The following ENTREP1 variants were observed in gnomAD, a reference collection of about 807,000 sequenced individuals.
The protein encoded by ENTREP1 is Friedreich ataxia region gene X123.
chr9:69,341,056 G>A, the ENTREP1 span, among the ~76,000 whole-genome samples: 1 of 152,126 alleles, frequency 6.6e-6, no homozygotes, highest in Non-Finnish European at 1.5e-5. Context: ...TTCTTTGGTG[G>A]TACAGGCATT....
the ENTREP1 span, chr9:69,379,687 A>T: frequency 6.6e-6 from 1 of 152,214 alleles, no homozygotes; most frequent in Non-Finnish European, 1.5e-5. Context: ...CATGGTGGGG[A>T]TGAGAAATAC....
At chr9:69,325,311 T>C in the ENTREP1 span, 7 of 1,168,282 alleles carry the variant, frequency 6.0e-6, no homozygotes, top group Non-Finnish European at 7.4e-6. Context: ...CGTCCGTCCA[T>C]GTCCCTGCCC....
the ENTREP1 span, among the ~76,000 whole-genome samples, chr9:69,330,476 G>A: frequency 6.6e-6 from 1 of 152,070 alleles, no homozygotes; most frequent in South Asian, 2.1e-4. Flanking sequence ...TGATTCTTTG[G>A]CAAGGTTCTA....
chr9:69,331,401 A>G, the ENTREP1 span, among the ~76,000 whole-genome samples: 6 of 152,096 alleles, frequency 3.9e-5, no homozygotes, highest in Admixed American at 3.9e-4. Context: ...GTGGGTAACA[A>G]TGACTCTTCC....
chr9:69,378,590 C>G, the ENTREP1 span, among the ~76,000 whole-genome samples: 1 of 151,834 alleles, frequency 6.6e-6, no homozygotes, highest in Non-Finnish European at 1.5e-5. Flanking sequence ...ACCCCCGTCT[C>G]TACTAAAAAT....
At chr9:69,378,667 G>T in the ENTREP1 span, among the ~76,000 whole-genome samples, 1 of 151,860 alleles carries the variant, frequency 6.6e-6, no homozygotes, top group African/African-American at 2.4e-5. Flanking sequence ...GCTGAGGCAG[G>T]AGAATGGCAT....
At chr9:69,340,853 A>T in the ENTREP1 span, among the ~76,000 whole-genome samples, 1 of 151,936 alleles carries the variant, frequency 6.6e-6, no homozygotes, top group Non-Finnish European at 1.5e-5. Context: ...TGTGTTTTCC[A>T]TAAAGAGCTA....
At chr9:69,328,840 A>T in the ENTREP1 span, among the ~76,000 whole-genome samples, 1 of 152,184 alleles carries the variant, frequency 6.6e-6, no homozygotes, top group Non-Finnish European at 1.5e-5. Flanking sequence ...AATGTTTATC[A>T]ACCCTAAAGT....
At chr9:69,352,795 A>C in the ENTREP1 span, among the ~76,000 whole-genome samples, 1 of 152,150 alleles carries the variant, frequency 6.6e-6, no homozygotes, top group Non-Finnish European at 1.5e-5. Context: ...GCTTCATTTT[A>C]GTGTGTGCTT....
At chr9:69,366,384 G>GTTTTTTTTTTTTTTTT in the ENTREP1 span, among the ~76,000 whole-genome samples, 1 of 122,992 alleles carries the variant, frequency 8.1e-6, no homozygotes, top group African/African-American at 2.9e-5. Flanking sequence ...TTCCAACTGG[G>GTTTTTTTTTTTTTTTT]GTTTTTTTTT....
At chr9:69,374,405 A>G in the ENTREP1 span, among the ~76,000 whole-genome samples, 5 of 152,126 alleles carry the variant, frequency 3.3e-5, no homozygotes, top group Admixed American at 6.5e-5. Flanking sequence ...GGTGCTAAAG[A>G]GTTTTCCAAA....
At chr9:69,327,997 T>C in the ENTREP1 span, among the ~76,000 whole-genome samples, 1 of 152,190 alleles carries the variant, frequency 6.6e-6, no homozygotes, top group East Asian at 1.9e-4. Flanking sequence ...GAAAAAAGCC[T>C]TGTATCACAT....
the ENTREP1 span, among the ~76,000 whole-genome samples, chr9:69,345,243 T>A: frequency 6.6e-6 from 1 of 152,118 alleles, no homozygotes; most frequent in Non-Finnish European, 1.5e-5. Flanking sequence ...TCAACGGTGA[T>A]ACCAAAGAGT....
the ENTREP1 span, among the ~76,000 whole-genome samples, chr9:69,344,453 G>A: frequency 3.3e-5 from 5 of 152,192 alleles, no homozygotes; most frequent in African/African-American, 4.8e-5. Flanking sequence ...GAACAGTGCT[G>A]TATTGTGTGA....
chr9:69,377,984 C>G, the ENTREP1 span, among the ~76,000 whole-genome samples: 2 of 151,492 alleles, frequency 1.3e-5, no homozygotes, highest in East Asian at 3.9e-4. Context: ...AACAATTATG[C>G]TGTTTTTCAG....
the ENTREP1 span, chr9:69,371,278 A>G: frequency 5.2e-6 from 3 of 580,436 alleles, no homozygotes; most frequent in Non-Finnish European, 9.2e-6. Context: ...AAAAATAAGG[A>G]CTTGAGGTTA....
chr9:69,377,697 T>C, the ENTREP1 span: 12 of 1,614,096 alleles, frequency 7.4e-6, no homozygotes, highest in Non-Finnish European at 8.5e-6. Flanking sequence ...TGCCTCCCCC[T>C]TCCTATTTTG....
chr9:69,369,292 C>CGT, the ENTREP1 span, among the ~76,000 whole-genome samples: 10 of 151,708 alleles, frequency 6.6e-5, no homozygotes, highest in South Asian at 2.1e-4. Context: ...AATAAACATA[C>CGT]GTGTGTGTGT....
the ENTREP1 span, among the ~76,000 whole-genome samples, chr9:69,354,254 A>T: frequency 4.4e-4 from 46 of 105,622 alleles, no homozygotes; most frequent in African/African-American, 6.8e-4. Flanking sequence ...CTATTGCAAC[A>T]TTTTTTTTTT....
Sources: allele counts gnomAD v4.1 joint callset (sites outside exome capture counted in the v4.1 genomes callset), GRCh38; gene constraint gnomAD v4.1.1; transcripts MANE v1.5; gene names NCBI Gene and HGNC (gene_info 2026-07-23, HGNC 2026-07-21).